The following PDE3B variants were observed in gnomAD, a reference collection of about 807,000 sequenced individuals.
PDE3B encodes phosphodiesterase 3B, also known as cGMP-inhibited 3',5'-cyclic phosphodiesterase 3B.
In PDE3B, 66 loss-of-function variants were observed where a neutral mutation model predicts 116.8. The ratio of observed to expected loss-of-function variants is 0.56; its 90% CI spans 0.46 to 0.69. The LOEUF (loss-of-function observed/expected upper bound fraction) is 0.69, where lower values mean the gene tolerates loss of function less well. Among genes scored for constraint, PDE3B ranks in the 30% least tolerant of loss-of-function variants. The pLI is 0.00. For synonymous variants in PDE3B, 595 were observed against 533.6 expected, an observed-to-expected ratio of 1.12 and a Z score of -1.59; for missense variants, 1,384 against 1,368.1, an observed-to-expected ratio of 1.01 and a Z score of -0.18.
intron 1 of PDE3B, among the ~76,000 whole-genome samples, chr11:14,739,544 A>G (rs1426604988): frequency 2.0e-5 from 3 of 152,126 alleles, no homozygotes; most frequent in African/African-American, 7.2e-5. Flanking sequence ...CATGTCATCT[A>G]CAAACAGAGA....
chr11:14,654,400 C>A (rs748921813), intron 1 of PDE3B, among the ~76,000 whole-genome samples: 1 of 152,076 alleles, frequency 6.6e-6, no homozygotes, highest in Middle Eastern at 3.2e-3. Context: ...GAATATCATC[C>A]GACAGGTGCT....
In PDE3B at chr11:14,861,271, G is replaced by A. The variant is rs782204163; in HGVS notation, c.2791G>A (p.Val931Met). 32 of 1,611,444 alleles carry A rather than the reference G, an allele frequency of 2.0e-5. 1 individual carries two copies. The South Asian group carries it at 3.5e-4, about 18-fold the overall frequency. ...NENDRLLVCQ[V>M]CIKLADINGP... ...AAATGATCGCCTCTTGGTATGCCAG[G>A]TGTGCATCAAACTGGCAGATATAAA... The change falls in exon 14 of 16, where the codon GTG becomes ATG. Residue 931 changes from valine to methionine, a missense_variant. Physicochemically the swap from Val to Met is conservative, Grantham distance 21. Around this residue, in one of 2 missense-constraint regions of PDE3B, gnomAD observed 428 missense variants for 561.4 expected, o/e 0.76. Transcript: ENST00000282096.
At chr11:14,647,270 T>G (rs536062831) in intron 1 of PDE3B, among the ~76,000 whole-genome samples, 28 of 152,170 alleles carry the variant, frequency 1.8e-4, no homozygotes, top group African/African-American at 6.7e-4. Context: ...GGACCTGACA[T>G]AGGAGAAAAT....
intron 1 of PDE3B, among the ~76,000 whole-genome samples, chr11:14,759,466 T>C (rs1857291106): frequency 6.6e-6 from 1 of 152,118 alleles, no homozygotes; most frequent in Non-Finnish European, 1.5e-5. Flanking sequence ...TCAGTCTAAT[T>C]GTAGTTCAGT....
chr11:14,897,165 A>C, the PDE3B span, among the ~76,000 whole-genome samples: 1 of 152,224 alleles, frequency 6.6e-6, no homozygotes, highest in Non-Finnish European at 1.5e-5. Context: ...GAACATTCTA[A>C]TTTAAGAGTG....
At position 14,830,804 on chromosome 11, in the gene PDE3B, T is replaced by G; in HGVS notation, c.1914T>G (p.Asp638Glu). The G allele has an allele frequency of 6.5e-7, 1 of 1,538,706 alleles. No homozygotes were observed. Reference sequence around the variant, plus strand: ...GCAGAAAATTATTTCAGGAAGGTGATAAGTGGCTAACAGAAGAGGCACAGA... The same window carrying G: ...GCAGAAAATTATTTCAGGAAGGTGAGAAGTGGCTAACAGAAGAGGCACAGA... ...KDSRKLFQEG[D>E]KWLTEEAQSE... Residue 638 changes from aspartate (D) to glutamate (E), a missense_variant, in exon 8 of 16, where the codon GAT (aspartate) becomes GAG (glutamate). Asp to Glu is a conservative substitution (Grantham distance 45, BLOSUM62 2). Transcript: ENST00000282096.
At chr11:14,665,125 A>G (rs929618755) in intron 1 of PDE3B, among the ~76,000 whole-genome samples, 3 of 152,228 alleles carry the variant, frequency 2.0e-5, no homozygotes, top group African/African-American at 7.2e-5. Context: ...CCGCAAATCA[A>G]TAAATGTAAT....
At chr11:14,798,851 A>T (rs1163427357) in intron 4 of PDE3B, among the ~76,000 whole-genome samples, 1 of 151,530 alleles carries the variant, frequency 6.6e-6, no homozygotes, top group Non-Finnish European at 1.5e-5. Context: ...GCTAGTGGTC[A>T]ATATATTTTG....
At chr11:14,868,706 A>G (rs557978690) in intron 15 of PDE3B, among the ~76,000 whole-genome samples, 2 of 152,208 alleles carry the variant, frequency 1.3e-5, no homozygotes, top group Non-Finnish European at 2.9e-5. Context: ...GGAAAACTAC[A>G]AAGAACCTCC....
At chr11:14,675,623 C>A (rs1464855010) in intron 1 of PDE3B, among the ~76,000 whole-genome samples, 1 of 151,988 alleles carries the variant, frequency 6.6e-6, no homozygotes, top group South Asian at 2.1e-4. Flanking sequence ...AGTATGCATT[C>A]TTTTGTGTTG....
Position 14,644,202 on chromosome 11 carries a change from C to T in PDE3B, c.127C>T (p.Pro43Ser), listed in dbSNP as rs551366523. The change falls in exon 1 of 16, where the codon CCT becomes TCT. Residue 43 changes from proline to serine, a missense_variant. Around this residue, in one of 2 missense-constraint regions of PDE3B, gnomAD observed 956 missense variants for 806.8 expected, o/e 1.18. Coordinates refer to ENST00000282096, the MANE Select transcript of PDE3B (RefSeq NM_000922.4). ...KSCVSPLRQDPPRGFFFHLCR... is the reference protein window; with the variant it reads ...KSCVSPLRQDSPRGFFFHLCR... ...CTGCGTGAGCCCCTTGCGGCAGGAC[C>T]CTCCGCGCGGCTTCTTCTTCCACCT... 10 of 1,596,092 alleles carry T rather than the reference C, an allele frequency of 6.3e-6. No individual in the cohort carries two copies. Among genetic ancestry groups the T allele is most frequent in the South Asian group, 5.5e-5 (5 of 90,148 alleles).
At chr11:14,667,764 A>G (rs985820066) in intron 1 of PDE3B, among the ~76,000 whole-genome samples, 1 of 151,696 alleles carries the variant, frequency 6.6e-6, no homozygotes, top group African/African-American at 2.4e-5. Context: ...GGTGCAGCAC[A>G]GCAACATGGC....
intron 1 of PDE3B, among the ~76,000 whole-genome samples, chr11:14,693,981 A>G (rs1855127132): frequency 6.6e-6 from 1 of 152,170 alleles, no homozygotes; most frequent in African/African-American, 2.4e-5. Context: ...ATTAACAGGA[A>G]TTTGGAAGAA....
At chr11:14,892,036 G>C in the PDE3B span, 1 of 1,613,226 alleles carries the variant, frequency 6.2e-7, no homozygotes. Context: ...CTCGGATGAG[G>C]CTGCCAGGGA....
intron 1 of PDE3B, among the ~76,000 whole-genome samples, chr11:14,708,004 T>A (rs1335768810): frequency 6.6e-6 from 1 of 152,078 alleles, no homozygotes; most frequent in Non-Finnish European, 1.5e-5. Context: ...TTAGCCTTCT[T>A]CTTGGTTGCA....
At chr11:14,879,997 G>A in the PDE3B span, 1 of 813,756 alleles carries the variant, frequency 1.2e-6, no homozygotes. Flanking sequence ...ACTCTTTTTT[G>A]TAACTATTAA....
the PDE3B span, chr11:14,880,496 A>G: frequency 3.7e-6 from 6 of 1,613,570 alleles, no homozygotes; most frequent in South Asian, 1.1e-5. Flanking sequence ...TTTTCACTAA[A>G]TAACTCAATC....
rs1343017804 is a variant in PDE3B at position 14,859,062 on chromosome 11, G to T, written c.2540G>T (p.Arg847Ile). 9.3e-6 allele frequency: 15 copies of T among 1,612,492 alleles called. No homozygotes were observed. Among genetic ancestry groups the T allele is most frequent in the Non-Finnish European group, 1.3e-5 (15 of 1,179,224 alleles). Residue 847 changes from arginine (R) to isoleucine (I), a missense_variant, in exon 13 of 16, where the codon AGA becomes ATA. Arg to Ile is a moderately conservative substitution (Grantham distance 97). Coordinates refer to ENST00000282096, the MANE Select transcript of PDE3B (RefSeq NM_000922.4). Reference sequence around the variant, plus strand: ...TTTTAGGCAGTTTTATACAATGACAGATCTGTTCTGGAAAATCATCATGCT... The same window carrying T: ...TTTTAGGCAGTTTTATACAATGACATATCTGTTCTGGAAAATCATCATGCT... Reference protein sequence around the residue: ...NAPQAVLYNDRSVLENHHAAS... With the variant: ...NAPQAVLYNDISVLENHHAAS...
chr11:14,684,909 ACT>A (rs1227082257), intron 1 of PDE3B, among the ~76,000 whole-genome samples: 1 of 150,634 alleles, frequency 6.6e-6, no homozygotes, highest in Non-Finnish European at 1.5e-5. Flanking sequence ...AATTGCTGTT[ACT>A]CTGTTTTTTT....
Sources: allele counts gnomAD v4.1 joint callset (sites outside exome capture counted in the v4.1 genomes callset), GRCh38; gene constraint gnomAD v4.1.1; regional missense constraint gnomAD v4.1.1; transcripts MANE v1.5; gene names NCBI Gene and HGNC (gene_info 2026-07-23, HGNC 2026-07-21).